PHF8: variants seen among roughly 807,000 people sequenced by gnomAD.
PHF8 encodes the protein histone lysine demethylase PHF8.
A neutral mutation model predicts 74.4 loss-of-function variants in PHF8; 9 were observed. The observed-to-expected ratio is 0.12, with a 90% CI of 0.07 to 0.21. The LOEUF (loss-of-function observed/expected upper bound fraction) is 0.21. Ranked by LOEUF, PHF8 falls within the 10% of genes least tolerant of loss-of-function variation. The pLI is 1.00. For missense variants in PHF8, 478 were observed against 816.6 expected (o/e 0.59, Z 5.05); for synonymous variants, 311 against 316.6 (o/e 0.98, Z 0.19).
chrX:53,965,119 GGTAT>G (rs2065162830), intron 18 of PHF8, among the ~76,000 whole-genome samples: 1 of 111,401 alleles, frequency 9.0e-6, no homozygotes, highest in Non-Finnish European at 1.9e-5. Flanking sequence ...TAAATTTAAT[GGTAT>G]GTGTTTTTTA....
chrX:53,940,198 T>A lies in PHF8; in HGVS notation c.2968A>T (p.Ser990Cys). The change falls in exon 21 of 22, where the codon AGC becomes TGC. Residue 990 changes from serine to cysteine, a missense_variant. By Grantham distance (112) the Ser-to-Cys change is moderately radical. Coordinates refer to ENST00000338154, the MANE Select transcript of PHF8 (RefSeq NM_015107.3). ...TQRRPSVGSQ[S>C]NQAGQGKRPK... Reference sequence around the variant, plus strand: ...GTTGTACCTTGTCCTGCCTGATTGCTCTGGGAGCCAACTGAAGGGCGCCGC... The same window carrying A: ...GTTGTACCTTGTCCTGCCTGATTGCACTGGGAGCCAACTGAAGGGCGCCGC... 1.7e-6 allele frequency: 2 copies of A among 1,182,895 alleles called. No homozygotes were observed. The highest frequency in any genetic ancestry group is 2.3e-6 in the Non-Finnish European group (2 of 880,139).
At chrX:54,037,487 T>C (rs2066484395) in intron 2 of PHF8, among the ~76,000 whole-genome samples, 1 of 112,020 alleles carries the variant, frequency 8.9e-6, no homozygotes, top group South Asian at 3.7e-4. Context: ...GCTTAAGCAA[T>C]CCACCAGCCT....
In PHF8 at chrX:54,009,844, G is replaced by GAAAAA. The variant is rs782363250; in HGVS notation, c.946+1273_946+1277dup. On this transcript the variant is annotated intron_variant, in intron 8 of 21. Coordinates refer to ENST00000338154, the MANE Select transcript of PHF8 (RefSeq NM_015107.3). ...GGTGACAGAGTGAGACTCTGTCTCA[G>GAAAAA]AAAAAAAAAAAAAAAAAAAAAAAAA... Among the ~76,000 whole-genome samples the GAAAAA allele has an allele frequency of 3.2e-4, 3 of 9,388 alleles. 1 individual carries two copies. Among genetic ancestry groups the GAAAAA allele is most frequent in the Non-Finnish European group, 1.4e-3 (3 of 2,199 alleles). 8.2% of individuals were successfully genotyped at this position (9,388 alleles called of 115,157 possible). A position where few individuals can be genotyped will look rare whatever the true frequency, so the allele number is the denominator to read the frequency against.
At chrX:54,010,805 G>C (rs1439037428) in intron 8 of PHF8, among the ~76,000 whole-genome samples, 2 of 111,157 alleles carry the variant, frequency 1.8e-5, no homozygotes, top group African/African-American at 6.5e-5. Flanking sequence ...TTCTGACTTA[G>C]AGCCTAGAAT....
intron 8 of PHF8, among the ~76,000 whole-genome samples, chrX:54,010,688 A>G (rs961749378): frequency 1.8e-5 from 2 of 111,309 alleles, no homozygotes; most frequent in Non-Finnish European, 3.8e-5. Context: ...TTTTTTCACA[A>G]TAAATATACT....
chrX:54,044,913 C>G, upstream of PHF8: 3 of 1,140,919 alleles, frequency 2.6e-6, no homozygotes, highest in Non-Finnish European at 2.4e-6. Context: ...ATAGGCTGGG[C>G]TCTTTCCCAC....
intron 19 of PHF8, among the ~76,000 whole-genome samples, chrX:53,959,718 G>C (rs1557090055): frequency 9.2e-6 from 1 of 108,266 alleles, no homozygotes; most frequent in African/African-American, 3.4e-5. Context: ...AAAAAAATTA[G>C]CTGGGTGCAG....
At chrX:53,992,023 G>C (rs781952385) in intron 14 of PHF8, among the ~76,000 whole-genome samples, 206 of 111,726 alleles carry the variant, frequency 1.8e-3, no homozygotes, top group African/African-American at 6.3e-3. Context: ...CTTGTATATT[G>C]CATTTTTAAA....
chrX:54,019,406 T>C (rs1370904246), intron 4 of PHF8, among the ~76,000 whole-genome samples: 9 of 109,973 alleles, frequency 8.2e-5, no homozygotes, highest in Non-Finnish European at 1.5e-4. Context: ...AGGGCTGCAG[T>C]GAGTGGTGAT....
rs781851128 is a variant in PHF8 at position 54,042,737 on chromosome X, G to A, written c.-9C>T. 1.7e-6 allele frequency: 2 copies of A among 1,203,786 alleles called. No individual in the cohort carries two copies. The highest frequency in any genetic ancestry group is 3.6e-5 in the South Asian group (2 of 55,798). ...ACCGGCACCGAGGCCATCTTCGCTC[G>A]GCCCTGGAGCGTTCTGCGGCCGGCC... On this transcript the variant is annotated 5_prime_UTR_variant, in exon 2 of 22. Transcript: ENST00000338154.
At chrX:54,014,939 A>G (rs782563985) in intron 6 of PHF8, among the ~76,000 whole-genome samples, 2 of 112,052 alleles carry the variant, frequency 1.8e-5, no homozygotes, top group South Asian at 7.5e-4. Context: ...GCAACCTCAC[A>G]GGGCTCAGTT....
At position 53,940,427 on chromosome X, in the gene PHF8, G is replaced by A; in HGVS notation, c.2739C>T (p.Leu913=). The A allele has an allele frequency of 8.3e-7, 1 of 1,207,947 alleles. No individual in the cohort carries two copies. Among genetic ancestry groups the A allele is most frequent in the Non-Finnish European group, 1.1e-6 (1 of 892,168 alleles). The stretch of plus-strand genomic sequence containing the variant: ...CAGTGGGGGCTGGTACTGTCAGACT[G>A]AGATTGGAGTCTTGAGGGCGAGGCT... ...VEQPRPQDSN[L]SLTVPAPTVA... The change falls in exon 21 of 22, where the codon CTC becomes CTT. Residue 913 remains leucine (L), a synonymous_variant. Coordinates refer to ENST00000338154, the MANE Select transcript of PHF8 (RefSeq NM_015107.3).
At chrX:53,964,348 G>C in intron 18 of PHF8, among the ~76,000 whole-genome samples, 2 of 110,557 alleles carry the variant, frequency 1.8e-5, no homozygotes, top group Non-Finnish European at 3.8e-5. Context: ...AAACCTGCAC[G>C]TTCTGCACAT....
chrX:54,044,738 A>C, upstream of PHF8: 1 of 508,419 alleles, frequency 2.0e-6, no homozygotes, highest in Non-Finnish European at 3.1e-6. Flanking sequence ...CAGGGAGTTC[A>C]GCTACCCCGA....
chrX:53,977,441 G>T (rs1294241482), intron 18 of PHF8, among the ~76,000 whole-genome samples: 8 of 111,847 alleles, frequency 7.2e-5, no homozygotes, highest in Non-Finnish European at 1.5e-4. Flanking sequence ...CAAAAAAGAG[G>T]ATATATGAAT....
chrX:54,041,885 A>T (rs2066561596), intron 2 of PHF8, among the ~76,000 whole-genome samples: 1 of 112,778 alleles, frequency 8.9e-6, no homozygotes, highest in Non-Finnish European at 1.9e-5. Context: ...CAACTTGTGC[A>T]TGGTCACTCT....
intron 19 of PHF8, among the ~76,000 whole-genome samples, chrX:53,953,046 G>A (rs1173690479): frequency 2.7e-5 from 3 of 109,709 alleles, no homozygotes; most frequent in Admixed American, 1.9e-4. Context: ...AGGCTGAGGC[G>A]GCCGATCACC....
intron 19 of PHF8, among the ~76,000 whole-genome samples, chrX:53,961,566 G>A (rs914686715): frequency 9.0e-6 from 1 of 111,368 alleles, no homozygotes; most frequent in East Asian, 2.8e-4. Context: ...TGTTCTGCCC[G>A]CCTTGGCCTC....
chrX:53,979,968 G>T (rs1158766982), intron 18 of PHF8, among the ~76,000 whole-genome samples: 2 of 111,390 alleles, frequency 1.8e-5, no homozygotes, highest in African/African-American at 6.5e-5. Flanking sequence ...CAGCCTGGGT[G>T]ATAGAGCGAG....
Sources: gnomAD v4.1 joint callset for allele counts (sites outside exome capture counted in the v4.1 genomes callset) on GRCh38, gnomAD v4.1.1 for gene constraint, MANE v1.5 for transcripts, NCBI Gene and HGNC (gene_info 2026-07-23, HGNC 2026-07-21) for gene names.